KCNH7: variants seen among roughly 807,000 people sequenced by gnomAD.
The protein encoded by KCNH7 is potassium voltage-gated channel subfamily H member 7, also known as voltage-gated inwardly rectifying potassium channel KCNH7.
KCNH7 carries 49 observed loss-of-function variants against 120.8 expected under a neutral mutation model. The ratio of observed to expected loss-of-function variants is 0.41; its 90% CI spans 0.32 to 0.51. The LOEUF is 0.51. Ranked by LOEUF, KCNH7 falls within the 20% of genes least tolerant of loss-of-function variation. The probability of loss-of-function intolerance (pLI) is 0.38; values close to 1 mark genes in which losing one functional copy is unlikely to be tolerated. For missense variants in KCNH7, 1,097 were observed against 1,446.6 expected (o/e 0.76, Z 3.92); for synonymous variants, 547 against 516.1 (o/e 1.06, Z -0.81).
At chr2:162,626,223 C>T (rs745318035) in intron 2 of KCNH7, among the ~76,000 whole-genome samples, 2 of 152,002 alleles carry the variant, frequency 1.3e-5, no homozygotes, top group African/African-American at 2.4e-5. Flanking sequence ...AGCAAACAGG[C>T]GATTTGTTAA....
intron 9 of KCNH7, 97 bp from the exon 10 acceptor site, chr2:162,400,538 C>T (rs1234495160): frequency 5.0e-6 from 6 of 1,212,056 alleles, no homozygotes; most frequent in Non-Finnish European, 7.1e-6. Context: ...CAGGTGTAGT[C>T]ATTGCCACGC....
intron 2 of KCNH7, among the ~76,000 whole-genome samples, chr2:162,548,445 T>C (rs1240918105): frequency 6.6e-6 from 1 of 152,186 alleles, no homozygotes; most frequent in Non-Finnish European, 1.5e-5. Flanking sequence ...ACATTTACTG[T>C]TGCTTTTTTG....
In KCNH7 at chr2:162,613,182, T is replaced by C. The variant is rs571364972; in HGVS notation, c.308-76102A>G. Among the ~76,000 whole-genome samples the C allele has an allele frequency of 3.3e-5, 5 of 152,056 alleles. No homozygotes were observed. The South Asian group carries it at 1.0e-3, about 32-fold the overall frequency. ...CACAGTCAGAGGTATCATATCATAC[T>C]GAGACTGCAGAACACTAAGTACAAA... On this transcript the variant is annotated intron_variant, in intron 2 of 15. Coordinates refer to ENST00000332142, the MANE Select transcript of KCNH7 (RefSeq NM_033272.4).
chr2:162,698,676 T>C (rs908962470), intron 2 of KCNH7, among the ~76,000 whole-genome samples: 21 of 152,202 alleles, frequency 1.4e-4, no homozygotes, highest in Non-Finnish European at 2.4e-4. Flanking sequence ...AGAGGAAAAA[T>C]TACTTTATCT....
chr2:162,465,648 A>T (rs958765521), intron 6 of KCNH7, among the ~76,000 whole-genome samples: 2 of 152,308 alleles, frequency 1.3e-5, no homozygotes, highest in Middle Eastern at 3.4e-3. Flanking sequence ...AGTCATGCTG[A>T]GTAATGGTGC....
In KCNH7 at chr2:162,652,175, GA is replaced by G. The variant is rs1443915572; in HGVS notation, c.308-115096del. 2.6e-5 allele frequency among the ~76,000 whole-genome samples: 4 copies of G among 152,128 alleles called. No individual in the cohort carries two copies. The East Asian group carries it at 7.7e-4, about 29-fold the overall frequency. ...TGAAATTTGAGTTTGTGATATGGGG[GA>G]AAGAGCCGAGACTTAATAATCTAAA... On this transcript the variant is annotated intron_variant, in intron 2 of 15. Transcript: ENST00000332142.
chr2:162,581,448 T>C (rs952217491), intron 2 of KCNH7, among the ~76,000 whole-genome samples: 13 of 152,020 alleles, frequency 8.6e-5, no homozygotes, highest in African/African-American at 2.9e-4. Flanking sequence ...AGAGTCATTG[T>C]TTTATTATAT....
chr2:162,835,293 G>A (rs1220403868), intron 2 of KCNH7, among the ~76,000 whole-genome samples: 1 of 152,014 alleles, frequency 6.6e-6, no homozygotes, highest in Non-Finnish European at 1.5e-5. Context: ...TAAGGAAAAT[G>A]TAGTAATTAA....
chr2:162,549,121 C>T (rs957812451), intron 2 of KCNH7, among the ~76,000 whole-genome samples: 2 of 152,184 alleles, frequency 1.3e-5, no homozygotes, highest in South Asian at 2.1e-4. Context: ...GAACTTTTAC[C>T]GAGTCTTATC....
Position 162,656,449 on chromosome 2 carries a change from C to G in KCNH7, c.308-119369G>C, listed in dbSNP as rs185820352. ...TATCTCCTTGACTTCCCCTAACTTT[C>G]TTATCCATCATTTTTTGTAAGAAAA... On this transcript the variant is annotated intron_variant, in intron 2 of 15. Transcript: ENST00000332142. Among the ~76,000 whole-genome samples, 16 of 152,282 alleles carry G rather than the reference C, an allele frequency of 1.1e-4. No homozygotes were observed. The East Asian group carries it at 3.1e-3, about 29-fold the overall frequency.
At chr2:162,523,381 G>A (rs1691596475) in intron 3 of KCNH7, among the ~76,000 whole-genome samples, 1 of 151,714 alleles carries the variant, frequency 6.6e-6, no homozygotes, top group Non-Finnish European at 1.5e-5. Flanking sequence ...CAATTTATTT[G>A]CTTACATATA....
intron 2 of KCNH7, among the ~76,000 whole-genome samples, chr2:162,677,457 G>A (rs768365242): frequency 6.6e-6 from 1 of 151,178 alleles, no homozygotes; most frequent in Non-Finnish European, 1.5e-5. Context: ...CTTTTGTGCC[G>A]GCTTCTTTTA....
At chr2:162,716,209 T>C (rs1438353779) in intron 2 of KCNH7, among the ~76,000 whole-genome samples, 2 of 152,146 alleles carry the variant, frequency 1.3e-5, no homozygotes, top group East Asian at 3.9e-4. Flanking sequence ...AAAGTTCTGA[T>C]TGGTCATAGC....
At chr2:162,472,721 C>T (rs541314600) in intron 6 of KCNH7, among the ~76,000 whole-genome samples, 14 of 152,292 alleles carry the variant, frequency 9.2e-5, no homozygotes, top group Middle Eastern at 3.4e-3. Context: ...CCATTTGACC[C>T]AGCCATCCCA....
At chr2:162,411,954 C>T (rs1333963189) in intron 9 of KCNH7, among the ~76,000 whole-genome samples, 2 of 151,842 alleles carry the variant, frequency 1.3e-5, no homozygotes, top group Non-Finnish European at 2.9e-5. Context: ...ACCATTCAAA[C>T]AGACCAGAAC....
At chr2:162,412,723 T>C (rs533138149) in intron 9 of KCNH7, among the ~76,000 whole-genome samples, 7 of 152,276 alleles carry the variant, frequency 4.6e-5, no homozygotes, top group South Asian at 2.1e-4. Flanking sequence ...ATATAAGCTG[T>C]GTAATGTCCA....
At chr2:162,467,787 A>T (rs906266861) in intron 6 of KCNH7, among the ~76,000 whole-genome samples, 32 of 152,146 alleles carry the variant, frequency 2.1e-4, no homozygotes, top group African/African-American at 7.2e-4. Context: ...CTTATAAACC[A>T]TGGGAATTTA....
intron 2 of KCNH7, among the ~76,000 whole-genome samples, chr2:162,779,797 G>A (rs560547869): frequency 2.6e-4 from 39 of 152,148 alleles, no homozygotes; most frequent in African/African-American, 8.9e-4. Flanking sequence ...GCTCAACTCC[G>A]TGTCATTGTA....
At chr2:162,610,323 G>A (rs1300242909) in intron 2 of KCNH7, among the ~76,000 whole-genome samples, 3 of 99,172 alleles carry the variant, frequency 3.0e-5, no homozygotes, top group Admixed American at 1.2e-4. Flanking sequence ...ACAGCTAAAT[G>A]AGGATTTTTT....
Sources: allele counts gnomAD v4.1 joint callset (sites outside exome capture counted in the v4.1 genomes callset), GRCh38; gene constraint gnomAD v4.1.1; transcripts MANE v1.5; gene names NCBI Gene and HGNC (gene_info 2026-07-23, HGNC 2026-07-21).